Variants in CDH13 observed in about 807,000 individuals in gnomAD.
CDH13 encodes the protein cadherin-13.
Under a neutral mutation model 63.8 loss-of-function variants are expected in CDH13, and 24 were observed. The observed-to-expected ratio is 0.38, with a 90% CI of 0.27 to 0.53. The LOEUF (loss-of-function observed/expected upper bound fraction) is 0.53. Ranked by LOEUF, CDH13 falls within the 20% of genes least tolerant of loss-of-function variation. The pLI is 0.85. For missense variants in CDH13, 1,049 were observed against 903.1 expected (o/e 1.16, Z -2.07); for synonymous variants, 503 against 355.3 (o/e 1.42, Z -4.67).
chr16:83,569,952 G>A (rs1197773075), intron 7 of CDH13, among the ~76,000 whole-genome samples: 1 of 152,102 alleles, frequency 6.6e-6, no homozygotes, highest in Non-Finnish European at 1.5e-5. Flanking sequence ...GGCCAGGTTG[G>A]TCTCGAACTC....
At chr16:82,814,928 T>C (rs187215605) in intron 1 of CDH13, among the ~76,000 whole-genome samples, 118 of 152,258 alleles carry the variant, frequency 7.7e-4, no homozygotes, top group African/African-American at 2.6e-3. Context: ...CACTGAAGAA[T>C]GGCTTGATGT....
At chr16:83,421,318 CAAT>C (rs886603833) in intron 6 of CDH13, among the ~76,000 whole-genome samples, 16 of 152,290 alleles carry the variant, frequency 1.1e-4, no homozygotes, top group African/African-American at 3.8e-4. Flanking sequence ...CTAGATTAAA[CAAT>C]AAATAAATGT....
At chr16:82,880,194 T>G (rs1015423287) in intron 2 of CDH13, among the ~76,000 whole-genome samples, 12 of 152,094 alleles carry the variant, frequency 7.9e-5, no homozygotes, top group African/African-American at 2.9e-4. Flanking sequence ...TATTTTCCAC[T>G]TTGCAATGAG....
intron 4 of CDH13, among the ~76,000 whole-genome samples, chr16:83,198,530 C>T (rs1237916877): frequency 1.3e-5 from 2 of 152,154 alleles, no homozygotes; most frequent in Admixed American, 6.5e-5. Flanking sequence ...GTCCAGTGTA[C>T]AGACAGAAGG....
At chr16:83,634,664 G>T (rs1277684359) in intron 8 of CDH13, among the ~76,000 whole-genome samples, 1 of 152,250 alleles carries the variant, frequency 6.6e-6, no homozygotes, top group Non-Finnish European at 1.5e-5. Flanking sequence ...GCCTCCCAAA[G>T]TGCTGGGATT....
intron 5 of CDH13, among the ~76,000 whole-genome samples, chr16:83,342,907 T>A (rs1348905039): frequency 1.1e-4 from 15 of 133,614 alleles, no homozygotes; most frequent in Non-Finnish European, 2.3e-4. Flanking sequence ...TTTGGGAAGA[T>A]GAAAAACCAG....
intron 1 of CDH13, among the ~76,000 whole-genome samples, chr16:82,838,283 A>G (rs912635565): frequency 6.6e-6 from 1 of 152,182 alleles, no homozygotes; most frequent in Admixed American, 6.5e-5. Context: ...CTCCACTAGA[A>G]GGAGGATATA....
chr16:83,471,938 A>T (rs908708620), intron 6 of CDH13, among the ~76,000 whole-genome samples: 40 of 152,262 alleles, frequency 2.6e-4, no homozygotes, highest in South Asian at 1.5e-3. Context: ...AGACAACCTA[A>T]GGTTACTTTG....
chr16:83,748,441 C>A (rs557146700), intron 11 of CDH13, among the ~76,000 whole-genome samples, 191 bp downstream of exon 11: 1 of 152,290 alleles, frequency 6.6e-6, no homozygotes, highest in Non-Finnish European at 1.5e-5. Flanking sequence ...ATCCTCAGAT[C>A]TTTTTGGAAA....
At chr16:83,497,314 T>G (rs1434786852) in intron 7 of CDH13, among the ~76,000 whole-genome samples, 2 of 151,944 alleles carry the variant, frequency 1.3e-5, no homozygotes, top group African/African-American at 4.8e-5. Flanking sequence ...ATATACACCA[T>G]GGAATACTAT....
chr16:82,638,428 T>C (rs1210160331), intron 1 of CDH13, among the ~76,000 whole-genome samples: 1 of 152,194 alleles, frequency 6.6e-6, no homozygotes, highest in African/African-American at 2.4e-5. Context: ...TTAAAACAAC[T>C]GAAAAGGAAT....
chr16:83,054,736 C>T (rs1462849324), intron 3 of CDH13, among the ~76,000 whole-genome samples: 1 of 152,058 alleles, frequency 6.6e-6, no homozygotes, highest in Admixed American at 6.6e-5. Flanking sequence ...AAAAACCCAT[C>T]ATCATAGCTG....
intron 2 of CDH13, among the ~76,000 whole-genome samples, chr16:82,860,383 GT>G (rs1373771826): frequency 1.7e-4 from 13 of 76,858 alleles, no homozygotes; most frequent in East Asian, 3.8e-4. Context: ...TTGTGTGTGT[GT>G]GTGTGGGGGG....
At chr16:83,581,537 G>C (rs1214594011) in intron 7 of CDH13, among the ~76,000 whole-genome samples, 1 of 152,108 alleles carries the variant, frequency 6.6e-6, no homozygotes, top group Non-Finnish European at 1.5e-5. Context: ...ACAGAGCCTT[G>C]GCCAGGCACA....
chr16:82,877,335 T>G (rs1443542119), intron 2 of CDH13, among the ~76,000 whole-genome samples: 1 of 152,220 alleles, frequency 6.6e-6, no homozygotes. Flanking sequence ...ATGCATGGAT[T>G]GTCCAAATGA....
Position 83,797,006 on chromosome 16 carries a change from C to G in CDH13, c.*1976C>G, listed in dbSNP as rs967909424. On this transcript the variant is annotated 3_prime_UTR_variant, in exon 14 of 14. Coordinates refer to ENST00000567109, the MANE Select transcript of CDH13 (RefSeq NM_001257.5). ...GGGTCATTCTCCACGAGCACATGCC[C>G]CCGACTCAGGGACAGGGGAATCTAA... 2.0e-5 allele frequency: 3 copies of G among 152,208 alleles called. No individual in the cohort carries two copies. The highest frequency in any genetic ancestry group is 4.4e-5 in the Non-Finnish European group (3 of 68,056). 9.4% of individuals were successfully genotyped at this position (152,208 alleles called of 1,614,324 possible). A position where few individuals can be genotyped will look rare whatever the true frequency, so the allele number is the denominator to read the frequency against.
At chr16:82,675,755 T>C (rs1048772427) in intron 1 of CDH13, among the ~76,000 whole-genome samples, 2 of 152,190 alleles carry the variant, frequency 1.3e-5, no homozygotes, top group African/African-American at 4.8e-5. Flanking sequence ...AATTTTTCTA[T>C]ATATCCAGTC....
intron 2 of CDH13, among the ~76,000 whole-genome samples, chr16:83,026,683 T>C (rs1327312357): frequency 6.6e-6 from 1 of 152,150 alleles, no homozygotes; most frequent in African/African-American, 2.4e-5. Flanking sequence ...ATAGAATTGC[T>C]ATGAGGCTGA....
chr16:83,204,044 C>G (rs1033213722), intron 4 of CDH13, among the ~76,000 whole-genome samples: 1 of 152,306 alleles, frequency 6.6e-6, no homozygotes, highest in East Asian at 1.9e-4. Context: ...CTTTGAAGTC[C>G]CTCGTCCTGG....
Sources: gnomAD v4.1 joint callset for allele counts (sites outside exome capture counted in the v4.1 genomes callset) on GRCh38, gnomAD v4.1.1 for gene constraint, MANE v1.5 for transcripts, NCBI Gene and HGNC (gene_info 2026-07-23, HGNC 2026-07-21) for gene names.